Variants in WDR64 observed in about 807,000 individuals in gnomAD.
The protein encoded by WDR64 is WD repeat-containing protein 64.
A neutral mutation model predicts 139.3 loss-of-function variants in WDR64; 112 were observed. That is an observed-to-expected ratio of 0.80 (90% CI 0.69 to 0.94). The LOEUF is 0.94. Ranked by LOEUF, WDR64 falls within the 40% of genes least tolerant of loss-of-function variation. WDR64 has a pLI of 0.00. For synonymous variants in WDR64, 444 were observed against 437.7 expected (o/e 1.01, Z -0.18); for missense variants, 1,206 against 1,293.1 (o/e 0.93, Z 1.03).
At chr1:241,742,415 C>T (rs13375851) in intron 12 of WDR64, among the ~76,000 whole-genome samples, 22,700 of 152,138 alleles carry the variant, frequency 0.15, 1,888 homozygotes, top group African/African-American at 0.19. Flanking sequence ...GTCATAAAGA[C>T]CTTGCTGATA....
In WDR64 at chr1:241,796,284, C is replaced by A; in HGVS notation, c.3106C>A (p.Leu1036Ile). 1 of 1,613,614 alleles carries A rather than the reference C, an allele frequency of 6.2e-7. No individual in the cohort carries two copies. The highest frequency in any genetic ancestry group is 2.2e-5 in the East Asian group (1 of 44,842). The change falls in exon 27 of 28, where the codon CTT becomes ATT. Residue 1036 changes from leucine (L) to isoleucine (I), a missense_variant. By Grantham distance (5) the Leu-to-Ile change is conservative. Coordinates refer to ENST00000437684, the MANE Select transcript of WDR64 (RefSeq NM_001367482.1). ...ATCAAGCCCCACTAGTCTAAGATTTCTTCCACTGATTGGCGTAGAAGCCCA... is the reference window on the plus strand; with the variant it reads ...ATCAAGCCCCACTAGTCTAAGATTTATTCCACTGATTGGCGTAGAAGCCCA... ...SISSPTSLRFLPLIGVEAQKD... is the reference protein window; with the variant it reads ...SISSPTSLRFIPLIGVEAQKD...
At chr1:241,773,021 T>G in intron 20 of WDR64, 90 bp downstream of exon 20, 2 of 1,367,300 alleles carry the variant, frequency 1.5e-6, no homozygotes, top group South Asian at 1.7e-5. Context: ...CCATATGGCA[T>G]CCAATTATAA....
chr1:241,675,246 TCCTTCCTTCCTCCCTC>T (rs1666500489), intron 4 of WDR64, among the ~76,000 whole-genome samples: 1 of 95,320 alleles, frequency 1.0e-5, no homozygotes. Flanking sequence ...CCTTCCTCCC[TCCTTCCTTCCTCCCTC>T]CCTTCCTCCC....
chr1:241,769,828 G>A (rs908070914), intron 17 of WDR64, among the ~76,000 whole-genome samples: 3 of 152,050 alleles, frequency 2.0e-5, no homozygotes, highest in African/African-American at 7.2e-5. Flanking sequence ...TTTACTTTTC[G>A]CCAAAATCTG....
At chr1:241,718,312 A>G (rs1286773138) in intron 9 of WDR64, among the ~76,000 whole-genome samples, 5 of 152,174 alleles carry the variant, frequency 3.3e-5, no homozygotes, top group African/African-American at 1.2e-4. Flanking sequence ...AAGGAGTCTG[A>G]ACTCCGTTTA....
intron 8 of WDR64, among the ~76,000 whole-genome samples, chr1:241,700,748 T>C (rs2148145372): frequency 6.6e-6 from 1 of 152,348 alleles, no homozygotes; most frequent in South Asian, 2.1e-4. Flanking sequence ...CTAACTTTCT[T>C]ATCTCACAGG....
At chr1:241,658,284 G>GGTGTGTGTGTGTGTGT (rs56011225) in intron 1 of WDR64, among the ~76,000 whole-genome samples, 5 of 147,164 alleles carry the variant, frequency 3.4e-5, no homozygotes, top group African/African-American at 1.0e-4. Context: ...TTCAAGCAAT[G>GGTGTGTGTGTGTGTGT]GTGTGTGTGT....
intron 8 of WDR64, among the ~76,000 whole-genome samples, chr1:241,702,521 GAA>G (rs11338254): frequency 0.018 from 2,585 of 141,974 alleles, 43 homozygotes; most frequent in South Asian, 0.064. Flanking sequence ...AAATTTAAAG[GAA>G]AAAAAAAAAA....
In WDR64 at chr1:241,683,581, T is replaced by A. The variant is rs1666899210; in HGVS notation, c.719T>A (p.Leu240Ter). The A allele has an allele frequency of 6.4e-7, 1 of 1,551,526 alleles. No homozygotes were observed. Among genetic ancestry groups the A allele is most frequent in the Non-Finnish European group, 8.7e-7 (1 of 1,146,994 alleles). The change falls in exon 7 of 28, where the codon TTG becomes TAG. Residue 240 changes from leucine (L) to a stop codon, truncating the protein, a stop_gained. Transcript: ENST00000437684. LOFTEE classifies it high-confidence loss of function. ...PDHLCRDDILLGDDGGFVNRF... is the reference protein window; with the variant it reads ...PDHLCRDDIL The stretch of plus-strand genomic sequence containing the variant: ...CATCTCTGCCGAGATGACATCCTCT[T>A]GGGGGATGATGGGGGTTTTGTGAAC...
At chr1:241,740,285 C>T (rs540951841) in intron 11 of WDR64, among the ~76,000 whole-genome samples, 7 of 152,282 alleles carry the variant, frequency 4.6e-5, no homozygotes, top group East Asian at 1.9e-4. Flanking sequence ...GATTTGTTGA[C>T]GTCCATTCTG....
chr1:241,726,039 GCTCT>G (rs1314115485), intron 10 of WDR64, among the ~76,000 whole-genome samples: 1 of 124,596 alleles, frequency 8.0e-6, no homozygotes, highest in Non-Finnish European at 1.8e-5. Flanking sequence ...TTTGTAGAGA[GCTCT>G]CTTTTTTTTT....
intron 21 of WDR64, among the ~76,000 whole-genome samples, chr1:241,778,394 T>C (rs1658737479): frequency 6.6e-6 from 1 of 152,200 alleles, no homozygotes; most frequent in Non-Finnish European, 1.5e-5. Flanking sequence ...TGTATCTATA[T>C]TTAAAGTAGG....
At chr1:241,776,033 T>C (rs1310352071) in intron 21 of WDR64, among the ~76,000 whole-genome samples, 1 of 126,506 alleles carries the variant, frequency 7.9e-6, no homozygotes, top group African/African-American at 2.5e-5. Context: ...GTTTTCATAT[T>C]CTCTTTTATA....
intron 10 of WDR64, among the ~76,000 whole-genome samples, chr1:241,724,923 A>C (rs577876138): frequency 1.3e-5 from 2 of 151,942 alleles, no homozygotes; most frequent in African/African-American, 4.8e-5. Flanking sequence ...CATCTAAATC[A>C]CTTACACAAG....
At position 241,741,645 on chromosome 1, in the gene WDR64, G is replaced by T. The variant is rs748730390; in HGVS notation, c.1451G>T (p.Cys484Phe). The change falls in exon 12 of 28, where the codon TGC becomes TTC. Residue 484 changes from cysteine (C) to phenylalanine (F), a missense_variant. Coordinates refer to ENST00000437684, the MANE Select transcript of WDR64 (RefSeq NM_001367482.1). ...TATTTTCATCAAGTACTCACTATCT[G>T]CTCTGAATCCATAATTAGGGTAAGT... ...NKYFHQVLTI[C>F]SESIIRVWEL... 9 of 1,609,178 alleles carry T rather than the reference G, an allele frequency of 5.6e-6. No homozygotes were observed. The African/African-American group carries it at 1.2e-4, about 22-fold the overall frequency.
chr1:241,740,441 C>T (rs1174880048), intron 11 of WDR64, among the ~76,000 whole-genome samples: 3 of 152,054 alleles, frequency 2.0e-5, no homozygotes, highest in East Asian at 1.9e-4. Flanking sequence ...CATCTCAGTC[C>T]GTATTTACAC....
At chr1:241,756,253 G>A (rs1221499250) in intron 14 of WDR64, among the ~76,000 whole-genome samples, 1 of 152,092 alleles carries the variant, frequency 6.6e-6, no homozygotes, top group Non-Finnish European at 1.5e-5. Flanking sequence ...GTGGTTTATA[G>A]TTCTCCTTGA....
At chr1:241,784,587 C>T (rs924857113) in intron 23 of WDR64, among the ~76,000 whole-genome samples, 5 of 152,122 alleles carry the variant, frequency 3.3e-5, no homozygotes, top group Admixed American at 6.5e-5. Context: ...AGCTTTAGAA[C>T]GTTGAATTCA....
Position 241,686,832 on chromosome 1 carries a change from T to C in WDR64, c.840-629T>C, listed in dbSNP as rs190798400. On this transcript the variant is annotated intron_variant, in intron 7 of 27. Coordinates refer to ENST00000437684, the MANE Select transcript of WDR64 (RefSeq NM_001367482.1). The stretch of plus-strand genomic sequence containing the variant: ...TTGATTCAAATAAGATATAAAAGAA[T>C]ATGAAGCATACTGCTCCATTTGGAT... Among the ~76,000 whole-genome samples the C allele has an allele frequency of 9.8e-4, 149 of 152,308 alleles. 1 individual carries two copies. In the Middle Eastern group the frequency reaches 0.01, roughly 10 times the overall value.
Sources: gnomAD v4.1 joint callset for allele counts (sites outside exome capture counted in the v4.1 genomes callset) on GRCh38, gnomAD v4.1.1 for gene constraint, MANE v1.5 for transcripts, NCBI Gene and HGNC (gene_info 2026-07-23, HGNC 2026-07-21) for gene names.